The following FHOD3 variants were observed in gnomAD, a reference collection of about 807,000 sequenced individuals.
FHOD3 encodes FH1/FH2 domain-containing protein 3.
In FHOD3, 90 loss-of-function variants were observed where a neutral mutation model predicts 173.0. That is an observed-to-expected ratio of 0.52 (90% confidence interval 0.44 to 0.62). The LOEUF (loss-of-function observed/expected upper bound fraction) is 0.62. Ranked by LOEUF, FHOD3 falls within the 20% of genes least tolerant of loss-of-function variation. The probability of loss-of-function intolerance (pLI) is 0.00; values close to 1 mark genes in which losing one functional copy is unlikely to be tolerated. For missense variants in FHOD3, 1,945 were observed against 2,034.7 expected, an observed-to-expected ratio of 0.96 and a Z score of 0.85; for synonymous variants, 828 against 823.0, an observed-to-expected ratio of 1.01 and a Z score of -0.10.
chr18:36,744,421 C>A (rs2042052092), intron 23 of FHOD3, among the ~76,000 whole-genome samples: 1 of 152,262 alleles, frequency 6.6e-6, no homozygotes. Context: ...CTAAGGTATG[C>A]AAGGCAAGCC....
intron 5 of FHOD3, among the ~76,000 whole-genome samples, chr18:36,548,194 AAAC>A (rs2057493455): frequency 1.3e-5 from 2 of 152,174 alleles, no homozygotes; most frequent in South Asian, 4.1e-4. Context: ...AATGTCTCAA[AAAC>A]AAAAAAAAAA....
rs2040032363 is a variant in FHOD3, at chr18:36,709,116, C to T, written c.2258C>T (p.Pro753Leu). ...HPQASAGDPE[P>L]ESEAEPEAEA... ...CCAGCAAGTGCCGGGGATCCTGAAC[C>T]CGAATCAGAGGCAGAACCGGAAGCA... Residue 753 changes from proline to leucine, a missense_variant, in exon 18 of 29, where the codon CCC becomes CTC. Physicochemically the swap from Pro to Leu is moderately conservative, Grantham distance 98 (BLOSUM62 -3). Coordinates refer to ENST00000590592, the MANE Select transcript of FHOD3 (RefSeq NM_001281740.3). The T allele has an allele frequency of 3.7e-6, 6 of 1,613,212 alleles. No individual in the cohort carries two copies. The East Asian group carries it at 1.3e-4, about 36-fold the overall frequency.
At chr18:36,456,657 A>G (rs777657299) in intron 3 of FHOD3, among the ~76,000 whole-genome samples, 2 of 152,046 alleles carry the variant, frequency 1.3e-5, no homozygotes, top group African/African-American at 2.4e-5. Context: ...TGTGTCCCCC[A>G]CGGGCAACAG....
At chr18:36,303,404 A>G (rs757291815) in intron 1 of FHOD3, among the ~76,000 whole-genome samples, 2 of 152,106 alleles carry the variant, frequency 1.3e-5, no homozygotes, top group African/African-American at 2.4e-5. Context: ...GCTGCCTGTC[A>G]CAGTGCTGTG....
chr18:36,605,910 G>T (rs954308894), intron 8 of FHOD3, among the ~76,000 whole-genome samples: 3 of 152,144 alleles, frequency 2.0e-5, no homozygotes, highest in Non-Finnish European at 4.4e-5. Context: ...TTTAAAAATG[G>T]ACATTTCCAT....
intron 1 of FHOD3, among the ~76,000 whole-genome samples, chr18:36,333,655 G>A (rs2045142052): frequency 6.6e-6 from 1 of 152,194 alleles, no homozygotes; most frequent in East Asian, 1.9e-4. Context: ...CTCTCAAAGT[G>A]TGGTTCCTGG....
chr18:36,602,268 G>C (rs564832228), intron 7 of FHOD3, among the ~76,000 whole-genome samples: 1 of 152,186 alleles, frequency 6.6e-6, no homozygotes, highest in Non-Finnish European at 1.5e-5. Context: ...CTAGAGGGAT[G>C]TTAAGATCTT....
chr18:36,453,858 G>A (rs1451687217), intron 3 of FHOD3, among the ~76,000 whole-genome samples: 1 of 152,166 alleles, frequency 6.6e-6, no homozygotes, highest in Non-Finnish European at 1.5e-5. Flanking sequence ...AGAAGAGATG[G>A]GATTGGAAAT....
intron 17 of FHOD3, among the ~76,000 whole-genome samples, chr18:36,701,179 C>G (rs1363562302): frequency 6.6e-6 from 1 of 152,194 alleles, no homozygotes; most frequent in East Asian, 1.9e-4. Flanking sequence ...TCTGCAGAGA[C>G]AGCTGTTTCC....
chr18:36,631,370 C>T (rs2034500427), intron 10 of FHOD3, among the ~76,000 whole-genome samples: 1 of 152,168 alleles, frequency 6.6e-6, no homozygotes, highest in African/African-American at 2.4e-5. Flanking sequence ...TATATATGGC[C>T]ATTGGCTCAT....
At chr18:36,362,653 C>T (rs1362254862) in intron 2 of FHOD3, among the ~76,000 whole-genome samples, 5 of 152,020 alleles carry the variant, frequency 3.3e-5, no homozygotes, top group African/African-American at 9.7e-5. Flanking sequence ...GAGGAGAGGA[C>T]CAGTCCCTGG....
intron 1 of FHOD3, among the ~76,000 whole-genome samples, chr18:36,309,684 C>G (rs612553): frequency 0.93 from 141,019 of 152,268 alleles, 65,902 homozygotes; most frequent in Non-Finnish European, 0.99. Context: ...CTCCATCCAA[C>G]CTCAGCAGCA....
chr18:36,494,218 G>T (rs2054618958), intron 3 of FHOD3, among the ~76,000 whole-genome samples: 1 of 152,114 alleles, frequency 6.6e-6, no homozygotes. Context: ...TGATCTTTGT[G>T]GGCCACAAAG....
Position 36,611,948 on chromosome 18 carries a change from C to G in FHOD3, c.814-4C>G. The G allele has an allele frequency of 1.9e-6, 3 of 1,612,774 alleles. No homozygotes were observed. Among genetic ancestry groups the G allele is most frequent in the Non-Finnish European group, 2.5e-6 (3 of 1,179,472 alleles). The stretch of plus-strand genomic sequence containing the variant: ...CTCTGTAGCTGGTTCTTCTCTTCTT[C>G]CAGACGTTATCAGGACTACCAGACC... On this transcript the variant is annotated splice_polypyrimidine_tract_variant and splice_region_variant and intron_variant, in intron 8 of 28. Transcript: ENST00000590592.
intron 11 of FHOD3, among the ~76,000 whole-genome samples, chr18:36,649,981 A>C (rs974211943): frequency 6.6e-6 from 1 of 152,056 alleles, no homozygotes; most frequent in Non-Finnish European, 1.5e-5. Flanking sequence ...GCTGTCATCT[A>C]CTCACCTCCT....
At chr18:36,565,341 A>G (rs1050887530) in intron 5 of FHOD3, among the ~76,000 whole-genome samples, 1 of 152,192 alleles carries the variant, frequency 6.6e-6, no homozygotes, top group African/African-American at 2.4e-5. Context: ...GGTGAGTGAT[A>G]CTAATAGTTT....
chr18:36,710,204 C>T (rs2040094053), intron 18 of FHOD3: 1 of 152,216 alleles, frequency 6.6e-6, no homozygotes, highest in Non-Finnish European at 1.5e-5. Flanking sequence ...TTCATATGAT[C>T]TGTGACACCA....
chr18:36,335,682 A>G (rs1019900314), intron 1 of FHOD3, among the ~76,000 whole-genome samples: 4 of 152,092 alleles, frequency 2.6e-5, no homozygotes, highest in East Asian at 1.9e-4. Flanking sequence ...AGCATTCCCC[A>G]TTGCCCAGCT....
intron 1 of FHOD3, among the ~76,000 whole-genome samples, chr18:36,341,366 A>G (rs952810062): frequency 1.3e-5 from 2 of 152,180 alleles, no homozygotes; most frequent in African/African-American, 4.8e-5. Context: ...GACCAAAAAC[A>G]TTTGTTTGAA....
Sources: gnomAD v4.1 joint callset for allele counts (sites outside exome capture counted in the v4.1 genomes callset) on GRCh38, gnomAD v4.1.1 for gene constraint, MANE v1.5 for transcripts, NCBI Gene and HGNC (gene_info 2026-07-23, HGNC 2026-07-21) for gene names.